The following GABPB2 variants were observed in gnomAD, a reference collection of about 807,000 sequenced individuals.
The protein encoded by GABPB2 is GA-binding protein subunit beta-2.
Under a neutral mutation model 39.1 loss-of-function variants are expected in GABPB2, and 23 were observed. The observed-to-expected ratio is 0.59, with a 90% CI of 0.42 to 0.83. The LOEUF (loss-of-function observed/expected upper bound fraction) is 0.83. Ranked by LOEUF, GABPB2 falls within the 40% of genes least tolerant of loss-of-function variation. The pLI, the probability that GABPB2 is intolerant of heterozygous loss-of-function variation, is 0.00. For synonymous variants in GABPB2, 184 were observed against 199.3 expected (o/e 0.92, Z 0.65); for missense variants, 467 against 541.1 (o/e 0.86, Z 1.36).
At chr1:151,078,019 C>A (rs1032162890) in intron 1 of GABPB2, among the ~76,000 whole-genome samples, 8 of 151,570 alleles carry the variant, frequency 5.3e-5, no homozygotes, top group Admixed American at 2.0e-4. Flanking sequence ...GCCTGTAATC[C>A]CAGCACTTTG....
At chr1:151,106,897 C>G (rs746502174) in intron 6 of GABPB2, 140 bp from the exon 7 acceptor site, 4 of 529,126 alleles carry the variant, frequency 7.6e-6, no homozygotes, top group Non-Finnish European at 1.3e-5. Flanking sequence ...TTCACAAAAC[C>G]TTTTGCGAAC....
At chr1:151,088,102 A>G in intron 1 of GABPB2, 88 bp from the exon 2 acceptor site, 1 of 862,984 alleles carries the variant, frequency 1.2e-6, no homozygotes, top group Non-Finnish European at 1.9e-6. Context: ...ATACATTCAA[A>G]TATAAGAAGT....
Position 151,123,670 on chromosome 1 carries a change from G to A in GABPB2, c.*5414G>A, listed in dbSNP as rs1471307028. The A allele has an allele frequency of 6.6e-6, 1 of 151,632 alleles. No individual in the cohort carries two copies. The highest frequency in any genetic ancestry group is 1.5e-5 in the Non-Finnish European group (1 of 68,108). The allele number at this position is 151,632 out of a possible 1,614,324, so 9.4% of individuals were successfully genotyped here. On this transcript the variant is annotated 3_prime_UTR_variant, in exon 9 of 9. Transcript: ENST00000368918. ...GATTGAGACCATCCTGGCTAACACA[G>A]TGAAACCCTGGCCCTACTAAAAATA... is the stretch of plus-strand genomic sequence containing the variant.
chr1:151,072,231 GA>G (rs1400932403), intron 1 of GABPB2, among the ~76,000 whole-genome samples: 1 of 152,154 alleles, frequency 6.6e-6, no homozygotes, highest in Non-Finnish European at 1.5e-5. Flanking sequence ...AGCACTTCAT[GA>G]ATTATTAAAA....
chr1:151,084,823 C>T (rs587742248), intron 1 of GABPB2, among the ~76,000 whole-genome samples: 4 of 151,924 alleles, frequency 2.6e-5, no homozygotes, highest in Non-Finnish European at 5.9e-5. Context: ...TGTGAGCCAC[C>T]GCGCCCAGCC....
At chr1:151,088,739 G>C (rs1472777135) in intron 2 of GABPB2, among the ~76,000 whole-genome samples, 1 of 152,140 alleles carries the variant, frequency 6.6e-6, no homozygotes, top group Non-Finnish European at 1.5e-5. Flanking sequence ...GGTGGCTCAC[G>C]CCTGTAATCC....
At chr1:151,100,760 G>A (rs890335851) in intron 5 of GABPB2, among the ~76,000 whole-genome samples, 8 of 149,038 alleles carry the variant, frequency 5.4e-5, no homozygotes, top group Non-Finnish European at 1.0e-4. Flanking sequence ...GCTAATTTTT[G>A]TATTTTTAGA....
At position 151,092,401 on chromosome 1, in the gene GABPB2, A is replaced by T. The variant is rs587744092; in HGVS notation, c.277-791A>T. On this transcript the variant is annotated intron_variant, in intron 3 of 8. Transcript: ENST00000368918. ...ATTACAGGCGTGAGCCACCGCACCC[A>T]GCCATTTTTTTAAAATCATATTTAA... Among the ~76,000 whole-genome samples, 1,438 of 151,370 alleles carry T rather than the reference A, an allele frequency of 9.5e-3. 10 individuals carry two copies. The highest frequency in any genetic ancestry group is 0.015 in the Non-Finnish European group (1,013 of 67,866).
intron 1 of GABPB2, among the ~76,000 whole-genome samples, chr1:151,087,929 A>C (rs892711546): frequency 2.0e-5 from 3 of 152,174 alleles, no homozygotes; most frequent in African/African-American, 7.2e-5. Context: ...TAAACTAGAA[A>C]GGTCGTAGTG....
At chr1:151,111,642 G>C (rs1379615594) in intron 7 of GABPB2, among the ~76,000 whole-genome samples, 1 of 151,146 alleles carries the variant, frequency 6.6e-6, no homozygotes, top group Non-Finnish European at 1.5e-5. Flanking sequence ...TCGATCTCCT[G>C]ACCTCGTGAT....
At chr1:151,096,730 T>G (rs1372853385) in intron 4 of GABPB2, among the ~76,000 whole-genome samples, 2 of 152,184 alleles carry the variant, frequency 1.3e-5, no homozygotes, top group African/African-American at 4.8e-5. Flanking sequence ...TTGTTATATA[T>G]TCTCTCAGGA....
rs587696734 is a variant in GABPB2 at position 151,122,956 on chromosome 1, A to G, written c.*4700A>G. ...TAAGGGAAATAGGATTTGATCTCCA[A>G]TTGTATTGCCATGGAGAGAATGGCA... On this transcript the variant is annotated 3_prime_UTR_variant, in exon 9 of 9. Coordinates refer to ENST00000368918, the MANE Select transcript of GABPB2 (RefSeq NM_144618.3). 3.3e-5 allele frequency: 5 copies of G among 152,260 alleles called. No individual in the cohort carries two copies. The highest frequency in any genetic ancestry group is 3.9e-4 in the East Asian group (2 of 5,186). 9.4% of individuals were successfully genotyped at this position (152,260 alleles called of 1,614,324 possible). A position where few individuals can be genotyped will look rare whatever the true frequency, so the allele number is the denominator to read the frequency against.
At chr1:151,117,542 G>GA (rs757378748) in intron 8 of GABPB2, 26 bp downstream of exon 8, 1 of 1,609,086 alleles carries the variant, frequency 6.2e-7, no homozygotes, top group Admixed American at 1.7e-5. Flanking sequence ...GTGATGAAAA[G>GA]AATTTAAAGC....
In GABPB2 at chr1:151,123,750, G is replaced by C. The variant is rs967611937; in HGVS notation, c.*5494G>C. ...GCCTGTAGTCCCAGCTACTCGGGAG[G>C]CTGAGGCAGGAGAATGACGTGAACC... On this transcript the variant is annotated 3_prime_UTR_variant, in exon 9 of 9. Coordinates refer to ENST00000368918, the MANE Select transcript of GABPB2 (RefSeq NM_144618.3). 7.9e-5 allele frequency: 12 copies of C among 151,800 alleles called. No individual in the cohort carries two copies. The highest frequency in any genetic ancestry group is 2.9e-4 in the African/African-American group (12 of 41,280). 9.4% of individuals were successfully genotyped at this position (151,800 alleles called of 1,614,324 possible).
intron 6 of GABPB2, 123 bp from the exon 7 acceptor site, chr1:151,106,914 A>C (rs113858790): frequency 1.7e-6 from 1 of 601,532 alleles, no homozygotes; most frequent in African/African-American, 1.9e-5. Context: ...GAACTGTTGA[A>C]TCTCACTTTT....
At chr1:151,097,290 A>G (rs1679165431) in intron 4 of GABPB2, among the ~76,000 whole-genome samples, 1 of 152,124 alleles carries the variant, frequency 6.6e-6, no homozygotes, top group South Asian at 2.1e-4. Context: ...TGCAAATGAT[A>G]CACCTTTGCT....
At chr1:151,086,021 G>A (rs1021325123) in intron 1 of GABPB2, among the ~76,000 whole-genome samples, 2 of 152,098 alleles carry the variant, frequency 1.3e-5, no homozygotes, top group African/African-American at 2.4e-5. Flanking sequence ...AAGATGGGTC[G>A]ATTGCTTGAG....
intron 3 of GABPB2, among the ~76,000 whole-genome samples, chr1:151,091,531 G>A (rs1678711756): frequency 6.7e-6 from 1 of 149,202 alleles, no homozygotes; most frequent in African/African-American, 2.5e-5. Context: ...CTCGAGTGCG[G>A]TGGCACAATC....
At chr1:151,084,158 C>T (rs926021718) in intron 1 of GABPB2, among the ~76,000 whole-genome samples, 1 of 151,820 alleles carries the variant, frequency 6.6e-6, no homozygotes, top group Non-Finnish European at 1.5e-5. Context: ...ACTGCCCTCC[C>T]ACTTCTGCCT....
Sources: allele counts gnomAD v4.1 joint callset (sites outside exome capture counted in the v4.1 genomes callset), GRCh38; gene constraint gnomAD v4.1.1; transcripts MANE v1.5; gene names NCBI Gene and HGNC (gene_info 2026-07-23, HGNC 2026-07-21).